The following LTBP1 variants were observed in gnomAD, a reference collection of about 807,000 sequenced individuals.
The protein encoded by LTBP1 is latent transforming growth factor beta binding protein 1, also known as latent-transforming growth factor beta-binding protein 1.
In LTBP1, 129 loss-of-function variants were observed where a neutral mutation model predicts 207.6. The observed-to-expected ratio is 0.62, with a 90% confidence interval of 0.54 to 0.72. The LOEUF (loss-of-function observed/expected upper bound fraction) is 0.72, where lower values mean the gene tolerates loss of function less well. Ranked by LOEUF, LTBP1 falls within the 30% of genes least tolerant of loss-of-function variation. LTBP1 has a pLI of 0.00. For synonymous variants in LTBP1, 963 were observed against 833.7 expected (o/e 1.16, Z -2.67); for missense variants, 2,281 against 2,217.2 (o/e 1.03, Z -0.58).
chr2:32,980,990 C>T (rs1045927899), intron 2 of LTBP1, among the ~76,000 whole-genome samples: 3 of 152,078 alleles, frequency 2.0e-5, no homozygotes, highest in Non-Finnish European at 4.4e-5. Context: ...TTTTCTCTTG[C>T]TGCTTTTAGG....
intron 22 of LTBP1, among the ~76,000 whole-genome samples, chr2:33,303,255 AG>A (rs1434947855): frequency 2.0e-5 from 3 of 151,960 alleles, no homozygotes; most frequent in Non-Finnish European, 4.4e-5. Context: ...CACAGGGACC[AG>A]TTTCGTGGAA....
chr2:33,089,743 C>G (rs77301263), intron 3 of LTBP1, among the ~76,000 whole-genome samples: 1 of 152,154 alleles, frequency 6.6e-6, no homozygotes, highest in Non-Finnish European at 1.5e-5. Flanking sequence ...TGGTTCCTGA[C>G]GTAAATTACT....
chr2:33,081,265 G>A (rs2078381574), intron 3 of LTBP1, among the ~76,000 whole-genome samples: 1 of 152,136 alleles, frequency 6.6e-6, no homozygotes, highest in Admixed American at 6.5e-5. Flanking sequence ...GCCAGGGAAG[G>A]TGAGAGTGAC....
intron 20 of LTBP1, among the ~76,000 whole-genome samples, chr2:33,299,823 C>T (rs987127532): frequency 3.9e-5 from 6 of 152,214 alleles, no homozygotes; most frequent in Non-Finnish European, 8.8e-5. Context: ...GAATTATCTT[C>T]TTTCTCAGTT....
At chr2:33,038,771 T>G (rs2076045128) in intron 3 of LTBP1, among the ~76,000 whole-genome samples, 1 of 152,180 alleles carries the variant, frequency 6.6e-6, no homozygotes. Flanking sequence ...TACGCTTGAG[T>G]CTTTGGAAAG....
chr2:33,007,802 A>G (rs549573761), intron 2 of LTBP1, among the ~76,000 whole-genome samples: 1 of 152,252 alleles, frequency 6.6e-6, no homozygotes, highest in Non-Finnish European at 1.5e-5. Context: ...ACTCTGAACC[A>G]GGAACTGTCC....
At chr2:33,279,683 C>A (rs901327895) in intron 18 of LTBP1, among the ~76,000 whole-genome samples, 2 of 152,204 alleles carry the variant, frequency 1.3e-5, no homozygotes, top group African/African-American at 4.8e-5. Context: ...CACACTCACC[C>A]CCATTCTTTG....
intron 31 of LTBP1, among the ~76,000 whole-genome samples, chr2:33,370,649 G>A (rs2095056547): frequency 6.6e-6 from 1 of 152,196 alleles, no homozygotes; most frequent in Admixed American, 6.5e-5. Context: ...CATAGTTTCT[G>A]CCATTGAACC....
In LTBP1 at chr2:33,131,912, A is replaced by T. The variant is rs536836624; in HGVS notation, c.1034-2881A>T. On this transcript the variant is annotated intron_variant, in intron 4 of 33. Coordinates refer to ENST00000404816, the MANE Select transcript of LTBP1 (RefSeq NM_206943.4). The stretch of plus-strand genomic sequence containing the variant: ...GCCCGGAGAATCTCCAGTGCTTATA[A>T]AGTGACTACTGTAGCTGGGAGGTGA... Among the ~76,000 whole-genome samples the T allele has an allele frequency of 2.9e-3, 443 of 152,326 alleles. 4 individuals are homozygous for T. Among genetic ancestry groups the T allele is most frequent in the African/African-American group, 0.01 (424 of 41,574 alleles).
intron 19 of LTBP1, chr2:33,291,356 A>G (rs1355392191): frequency 1.3e-5 from 2 of 152,242 alleles, no homozygotes; most frequent in African/African-American, 2.4e-5. Flanking sequence ...CTGGTGCATG[A>G]ATAATTAAAG....
intron 13 of LTBP1, among the ~76,000 whole-genome samples, chr2:33,261,494 T>C (rs2147989245): frequency 6.6e-6 from 1 of 152,296 alleles, no homozygotes; most frequent in East Asian, 1.9e-4. Context: ...GTTAGATTAT[T>C]ACAATAAACT....
At chr2:33,053,363 C>T (rs2149525343) in intron 3 of LTBP1, among the ~76,000 whole-genome samples, 1 of 152,270 alleles carries the variant, frequency 6.6e-6, no homozygotes, top group African/African-American at 2.4e-5. Flanking sequence ...ATCATTATTC[C>T]CCAAAGTCCT....
intron 3 of LTBP1, among the ~76,000 whole-genome samples, chr2:33,106,173 C>T (rs773332607): frequency 3.3e-5 from 5 of 152,192 alleles, no homozygotes; most frequent in Admixed American, 6.5e-5. Context: ...CCACTTGTAA[C>T]TTTCATTCTC....
chr2:33,354,728 A>ACACACC (rs751452437), intron 26 of LTBP1, among the ~76,000 whole-genome samples: 28 of 106,738 alleles, frequency 2.6e-4, no homozygotes, highest in African/African-American at 8.5e-4. Flanking sequence ...ACACACACAC[A>ACACACC]CCATTGTATC....
rs544553665 is a variant in LTBP1, at chr2:32,947,592, C to G, written c.268C>G (p.Pro90Ala). Reference protein sequence around the residue: ...PSERTRRTSKPGGAALQGLRP... With the variant: ...PSERTRRTSKAGGAALQGLRP... ...GGAGAGGACCCGGCGCACGAGCAAGCCGGGCGGCGCGGCCCTGCAGGGGCT... is the reference window on the plus strand; with the variant it reads ...GGAGAGGACCCGGCGCACGAGCAAGGCGGGCGGCGCGGCCCTGCAGGGGCT... The change falls in exon 1 of 34, where the codon CCG (proline) becomes GCG (alanine). Residue 90 changes from proline to alanine, a missense_variant. Transcript: ENST00000404816. 97 of 1,312,086 alleles carry G rather than the reference C, an allele frequency of 7.4e-5. No individual in the cohort carries two copies. In the African/African-American group the frequency reaches 1.4e-3, roughly 19 times the overall value. The allele number at this position is 1,312,086 out of a possible 1,614,324, so 81.3% of individuals were successfully genotyped here.
chr2:33,263,463 T>C (rs902511044), intron 15 of LTBP1, 71 bp downstream of exon 15: 6 of 1,086,170 alleles, frequency 5.5e-6, no homozygotes, highest in African/African-American at 1.5e-5. Context: ...TTAAATGTAG[T>C]ATCCATTATA....
At chr2:33,208,898 C>T (rs1378348492) in intron 7 of LTBP1, among the ~76,000 whole-genome samples, 22 of 128,986 alleles carry the variant, frequency 1.7e-4, no homozygotes, top group African/African-American at 5.0e-4. Context: ...GATGGAGTCT[C>T]GCTCTGTCTC....
Position 33,252,499 on chromosome 2 carries a change from T to G in LTBP1, c.2000-178T>G, listed in dbSNP as rs1015869746. Among the ~76,000 whole-genome samples the G allele has an allele frequency of 1.1e-4, 16 of 152,326 alleles. No homozygotes were observed. In the South Asian group the frequency reaches 3.3e-3, roughly 32 times the overall value. ...CTGTCACGACTTTTGGTGCCCTGAC[T>G]CTAAAACTCACATGGTAAACTGATT... On this transcript the variant is annotated intron_variant, in intron 10 of 33. Coordinates refer to ENST00000404816, the MANE Select transcript of LTBP1 (RefSeq NM_206943.4).
At chr2:32,981,999 C>T (rs1421916245) in intron 2 of LTBP1, among the ~76,000 whole-genome samples, 1 of 152,016 alleles carries the variant, frequency 6.6e-6, no homozygotes. Flanking sequence ...TCTAAAGATA[C>T]CCGAAAATGT....
Sources: gnomAD v4.1 joint callset for allele counts (sites outside exome capture counted in the v4.1 genomes callset) on GRCh38, gnomAD v4.1.1 for gene constraint, MANE v1.5 for transcripts, NCBI Gene and HGNC (gene_info 2026-07-23, HGNC 2026-07-21) for gene names.